SCNN1A: variants seen among roughly 807,000 people sequenced by gnomAD.
The protein encoded by SCNN1A is epithelial sodium channel subunit alpha.
In SCNN1A, 65 loss-of-function variants were observed where a neutral mutation model predicts 68.6. That is an observed-to-expected ratio of 0.95 (90% CI 0.78 to 1.16). SCNN1A has a LOEUF of 1.16. Ranked by LOEUF, SCNN1A falls within the 50% of genes most tolerant of loss-of-function variation. The pLI is 0.00. For missense variants in SCNN1A, 880 were observed against 865.9 expected (o/e 1.02, Z -0.20); for synonymous variants, 357 against 353.3 (o/e 1.01, Z -0.12).
rs576175642 is a variant in SCNN1A, at chr12:6,367,846, C to T, written c.417-4136G>A. 3.9e-5 allele frequency among the ~76,000 whole-genome samples: 6 copies of T among 152,290 alleles called. No individual in the cohort carries two copies. The South Asian group carries it at 1.2e-3, about 32-fold the overall frequency. On this transcript the variant is annotated intron_variant, in intron 2 of 12. Transcript: ENST00000228916. The stretch of plus-strand genomic sequence containing the variant: ...TGAAAGAGCCCCCACGTGGTCCTAA[C>T]GTGCAGCTACATTAACCACCGTCTA...
Position 6,354,527 on chromosome 12 carries a change from C to T in SCNN1A, c.1271G>A (p.Ser424Asn), listed in dbSNP as rs1237221006. The change falls in exon 8 of 13, where the codon AGC (serine) becomes AAC (asparagine). Residue 424 changes from serine to asparagine, a missense_variant. Ser to Asn is a conservative substitution (Grantham distance 46, BLOSUM62 1). Coordinates refer to ENST00000228916, the MANE Select transcript of SCNN1A (RefSeq NM_001038.6). ...GGCACAGCCACACTCCTTGATCATGCTCTCCTGGAAGCAGGAGTGAATACA... is the reference window on the plus strand; with the variant it reads ...GGCACAGCCACACTCCTTGATCATGTTCTCCTGGAAGCAGGAGTGAATACA... ...QVCIHSCFQE[S>N]MIKECGCAYI... is the part of the protein sequence containing the mutation. The T allele has an allele frequency of 6.2e-7, 1 of 1,613,854 alleles. No homozygotes were observed. The highest frequency in any genetic ancestry group is 1.3e-5 in the African/African-American group (1 of 74,902).
At chr12:6,363,388 C>T in intron 3 of SCNN1A, 55 bp downstream of exon 3, 1 of 1,424,242 alleles carries the variant, frequency 7.0e-7, no homozygotes, top group Non-Finnish European at 9.3e-7. Flanking sequence ...CATGGGTGGG[C>T]GGGGCCAGGG....
chr12:6,376,147 G>T, upstream of SCNN1A: 2 of 985,994 alleles, frequency 2.0e-6, no homozygotes, highest in Non-Finnish European at 2.4e-6. Flanking sequence ...GAAGAGAGAA[G>T]AGGTCTCTGC....
rs763706773 is a variant in SCNN1A at position 6,355,255 on chromosome 12, C to G, written c.1143+17G>C. ...ATCTGAGGCGCTCCTTCCAGGCCTC[C>G]CAGTCAGCATCCTTGCCTTCCTCAT... On this transcript the variant is annotated intron_variant, in intron 6 of 12. Coordinates refer to ENST00000228916, the MANE Select transcript of SCNN1A (RefSeq NM_001038.6). 5 of 1,609,550 alleles carry G rather than the reference C, an allele frequency of 3.1e-6. No homozygotes were observed. The East Asian group carries it at 9.0e-5, about 29-fold the overall frequency.
chr12:6,352,739 C>T (rs1948409012), intron 8 of SCNN1A, among the ~76,000 whole-genome samples: 1 of 152,216 alleles, frequency 6.6e-6, no homozygotes, highest in Admixed American at 6.5e-5. Flanking sequence ...GTCAGAGAGA[C>T]AGGAACCAGG....
chr12:6,348,389 C>T (rs944208840), intron 12 of SCNN1A, 136 bp from the exon 13 acceptor site: 9 of 1,517,928 alleles, frequency 5.9e-6, no homozygotes, highest in Admixed American at 2.0e-5. Flanking sequence ...CTCTCAGCAG[C>T]CCCCTGGGCT....
intron 11 of SCNN1A, 71 bp from the exon 12 acceptor site, chr12:6,348,873 A>G (rs1219714244): frequency 6.9e-6 from 11 of 1,602,870 alleles, no homozygotes; most frequent in Non-Finnish European, 9.4e-6. Flanking sequence ...CTAATCAACC[A>G]TATCGATCCC....
At position 6,374,947 on chromosome 12, in the gene SCNN1A, CT is replaced by C; in HGVS notation, c.-54-111del. 1.3e-6 allele frequency: 2 copies of C among 1,579,528 alleles called. No individual in the cohort carries two copies. Among genetic ancestry groups the C allele is most frequent in the Non-Finnish European group, 8.6e-7 (1 of 1,162,210 alleles). On this transcript the variant is annotated intron_variant, in intron 1 of 12. Transcript: ENST00000228916. The surrounding 1 kb of genome is among the most constrained non-coding windows in gnomAD (Gnocchi z 6.2). ...CCCTGGAACCCGAGTGAGGCTGCCC[CT>C]GGCCATGCCCATGTCCCACCCTGCG...
At chr12:6,377,277 C>A, upstream of SCNN1A, 1 of 1,550,666 alleles carries the variant, frequency 6.4e-7, no homozygotes, top group Non-Finnish European at 8.7e-7. Context: ...GATACCTCCC[C>A]TTGGAAGGGA....
At position 6,347,768 on chromosome 12, in the gene SCNN1A, G is replaced by T; in HGVS notation, c.*105C>A. ...CCCCTCCACACATCAACGGCAGTTT[G>T]GGCGGCTCTGAGAGGAAGCCCTGCA... On this transcript the variant is annotated 3_prime_UTR_variant, in exon 13 of 13. Transcript: ENST00000228916. The T allele has an allele frequency of 1.0e-6, 1 of 981,544 alleles. No individual in the cohort carries two copies. The highest frequency in any genetic ancestry group is 1.6e-6 in the Non-Finnish European group (1 of 633,286). 60.8% of individuals were successfully genotyped at this position (981,544 alleles called of 1,614,324 possible). A position where few individuals can be genotyped will look rare whatever the true frequency, so the allele number is the denominator to read the frequency against.
At chr12:6,348,650 C>A (rs1176547514) in intron 12 of SCNN1A, 77 bp downstream of exon 12, 6 of 1,274,504 alleles carry the variant, frequency 4.7e-6, no homozygotes, top group Middle Eastern at 2.2e-4. Context: ...CAGAGACAAC[C>A]TTTTGGTTTT....
Position 6,355,792 on chromosome 12 carries a change from G to A in SCNN1A, c.964C>T (p.Pro322Ser). 1 of 1,610,546 alleles carries A rather than the reference G, an allele frequency of 6.2e-7. No individual in the cohort carries two copies. Among genetic ancestry groups the A allele is most frequent in the Non-Finnish European group, 8.5e-7 (1 of 1,176,674 alleles). ...AGCTTCTCACCGTTGTTGATTCCAG[G>A]CATGGAAGACATCCAGAGGTTGGAG... is the stretch of plus-strand genomic sequence containing the variant. ...NNSNLWMSSM[P>S]GINNGLSLML... Residue 322 changes from proline (P) to serine (S), a missense_variant, in exon 5 of 13, where the codon CCT becomes TCT. Transcript: ENST00000228916.
In SCNN1A at chr12:6,354,474, C is replaced by T. The variant is rs768103022; in HGVS notation, c.1324G>A (p.Val442Met). 2.5e-5 allele frequency: 41 copies of T among 1,613,384 alleles called. No individual in the cohort carries two copies. The highest frequency in any genetic ancestry group is 6.6e-5 in the South Asian group (6 of 91,042). Reference protein sequence around the residue: ...AYIFYPRPQNVEYCDYRKHSS... With the variant: ...AYIFYPRPQNMEYCDYRKHSS... ...TGCTTTCTGTAGTCACAGTACTCCA[C>T]GTTCTGGGGCCGCGGATAGAAGATG... The change falls in exon 8 of 13, where the codon GTG becomes ATG. Residue 442 changes from valine (V) to methionine (M), a missense_variant. By Grantham distance (21) the Val-to-Met change is conservative. This residue lies in a region of SCNN1A where 758 missense variants were observed against 721.8 expected (regional missense o/e 1.05). Coordinates refer to ENST00000228916, the MANE Select transcript of SCNN1A (RefSeq NM_001038.6).
Position 6,374,646 on chromosome 12 carries a change from C to T in SCNN1A, c.138G>A (p.Glu46=). Reference sequence around the variant, plus strand: ...AGGAGCGGTGGAACTCGATCAGGGCCTCCTCCTCCGCCGTGGGCTGCTGGG... The same window carrying T: ...AGGAGCGGTGGAACTCGATCAGGGCTTCCTCCTCCGCCGTGGGCTGCTGGG... ...AAPQQPTAEE[E]ALIEFHRSYR... Residue 46 remains glutamate (E), a synonymous_variant, in exon 2 of 13, where the codon GAG becomes GAA. Coordinates refer to ENST00000228916, the MANE Select transcript of SCNN1A (RefSeq NM_001038.6). The surrounding 1 kb of genome is among the most constrained non-coding windows in gnomAD (Gnocchi z 6.2). The T allele has an allele frequency of 6.2e-7, 1 of 1,613,624 alleles. No homozygotes were observed. Among genetic ancestry groups the T allele is most frequent in the Non-Finnish European group, 8.5e-7 (1 of 1,179,738 alleles).
rs976449345 is a variant in SCNN1A, at chr12:6,369,321, C to T, written c.416+5047G>A. Among the ~76,000 whole-genome samples the T allele has an allele frequency of 6.6e-5, 10 of 151,154 alleles. No homozygotes were observed. In the East Asian group the frequency reaches 1.6e-3, roughly 24 times the overall value. ...ACCTCCCTCCTGCCACCCTACGCAC[C>T]TCCCTCCTGCCACCCTACGCACCTC... is the stretch of plus-strand genomic sequence containing the variant. On this transcript the variant is annotated intron_variant, in intron 2 of 12. Transcript: ENST00000228916.
Position 6,363,580 on chromosome 12 carries a change from T to TC in SCNN1A, c.546dup (p.Thr183AspfsTer23), listed in dbSNP as rs775723647. 2.5e-6 allele frequency: 4 copies of TC among 1,610,540 alleles called. No individual in the cohort carries two copies. Among genetic ancestry groups the TC allele is most frequent in the Non-Finnish European group, 3.4e-6 (4 of 1,178,664 alleles). On this transcript the variant is annotated frameshift_variant, in exon 3 of 13. Transcript: ENST00000228916. LOFTEE classifies it high-confidence loss of function. ...AGGCGCTGCAAGGGGTGCGGCAGAG[T>TC]CCCCCGCAGGTCGCGACGGCTGCGG...
At chr12:6,361,069 G>A (rs542251510) in intron 4 of SCNN1A, among the ~76,000 whole-genome samples, 3 of 152,280 alleles carry the variant, frequency 2.0e-5, no homozygotes, top group East Asian at 1.9e-4. Flanking sequence ...CATCATCTTC[G>A]TCACTTGAGT....
intron 8 of SCNN1A, chr12:6,349,700 C>T (rs548598373): frequency 9.7e-6 from 3 of 310,006 alleles, no homozygotes; most frequent in Admixed American, 4.5e-5. Context: ...CAGAGTGAGA[C>T]CTTGTCTCTA....
intron 11 of SCNN1A, 38 bp downstream of exon 11, chr12:6,348,912 G>T: frequency 1.2e-6 from 2 of 1,611,694 alleles, no homozygotes; most frequent in Non-Finnish European, 1.7e-6. Flanking sequence ...CCCTCCCAAA[G>T]ATTCCCTTCT....
Sources: allele counts gnomAD v4.1 joint callset (sites outside exome capture counted in the v4.1 genomes callset), GRCh38; gene constraint gnomAD v4.1.1; regional missense constraint gnomAD v4.1.1; non-coding constraint Gnocchi (gnomAD v3.1); transcripts MANE v1.5; gene names NCBI Gene and HGNC (gene_info 2026-07-23, HGNC 2026-07-21).